The following MED23 variants were observed in gnomAD, a reference collection of about 807,000 sequenced individuals.
The protein encoded by MED23 is mediator complex subunit 23.
Under a neutral mutation model 163.9 loss-of-function variants are expected in MED23, and 105 were observed. The observed-to-expected ratio is 0.64, with a 90% CI of 0.55 to 0.75. MED23 has a LOEUF of 0.75. Ranked by LOEUF, MED23 falls within the 30% of genes least tolerant of loss-of-function variation. The pLI is 0.00. For missense variants in MED23, 1,054 were observed against 1,649.0 expected, an observed-to-expected ratio of 0.64 and a Z score of 6.25; for synonymous variants, 561 against 565.6, an observed-to-expected ratio of 0.99 and a Z score of 0.12.
At position 131,587,106 on chromosome 6, in the gene MED23, T is replaced by C; in HGVS notation, c.*573A>G. 7.9e-7 allele frequency: 1 copy of C among 1,272,284 alleles called. No homozygotes were observed. The allele number at this position is 1,272,284 out of a possible 1,614,324, so 78.8% of individuals were successfully genotyped here. A position where few individuals can be genotyped will look rare whatever the true frequency, so the allele number is the denominator to read the frequency against. ...AAGGTAATAAAACTGCCAGTTGACCTTGATAGAAACTATGGAAATTTATAA... is the reference window on the plus strand; with the variant it reads ...AAGGTAATAAAACTGCCAGTTGACCCTGATAGAAACTATGGAAATTTATAA... On this transcript the variant is annotated 3_prime_UTR_variant, in exon 29 of 29. Transcript: ENST00000368068.
At chr6:131,599,953 G>A (rs1775344379) in intron 18 of MED23, 85 bp downstream of exon 18, 4 of 1,492,992 alleles carry the variant, frequency 2.7e-6, no homozygotes, top group Non-Finnish European at 3.7e-6. Flanking sequence ...TTATTCAGAA[G>A]TCACCAAGAC....
Position 131,587,009 on chromosome 6 carries a change from C to A in MED23, c.*670G>T. 3 of 1,450,252 alleles carry A rather than the reference C, an allele frequency of 2.1e-6. No individual in the cohort carries two copies. The South Asian group carries it at 4.6e-5, about 22-fold the overall frequency. The allele number at this position is 1,450,252 out of a possible 1,614,324, so 89.8% of individuals were successfully genotyped here. A position where few individuals can be genotyped will look rare whatever the true frequency, so the allele number is the denominator to read the frequency against. On this transcript the variant is annotated 3_prime_UTR_variant, in exon 29 of 29. Transcript: ENST00000368068. ...AACCATTTAAGCATGATTTTAAGTT[C>A]AAGAATTTTCAGATGTTATTTTCTT...
At chr6:131,595,179 C>G (rs1774956944) in intron 22 of MED23, among the ~76,000 whole-genome samples, 1 of 152,192 alleles carries the variant, frequency 6.6e-6, no homozygotes, top group Non-Finnish European at 1.5e-5. Flanking sequence ...CTGCCACTCT[C>G]CAGTAACTAT....
Position 131,591,445 on chromosome 6 carries a change from C to T in MED23, c.3554G>A (p.Gly1185Asp), listed in dbSNP as rs1774626763. 6.2e-7 allele frequency: 1 copy of T among 1,613,876 alleles called. No individual in the cohort carries two copies. The highest frequency in any genetic ancestry group is 8.5e-7 in the Non-Finnish European group (1 of 1,179,840). ...PSLTSETEWV[G>D]YPFRLFDFTA... is the part of the protein sequence containing the mutation. ...GAAATCAAAGAGGCGGAATGGATAG[C>T]CAACCCACTCTGTTTCAGACGTCAA... The change falls in exon 26 of 29, where the codon GGC (glycine) becomes GAC (aspartate). Residue 1185 changes from glycine (G) to aspartate (D), a missense_variant. Around this residue, in one of 11 missense-constraint regions of MED23, gnomAD observed 362 missense variants for 471.6 expected, o/e 0.77. Transcript: ENST00000368068.
intron 12 of MED23, 68 bp from the exon 13 acceptor site, chr6:131,606,692 T>C: frequency 7.6e-7 from 1 of 1,317,060 alleles, no homozygotes; most frequent in Non-Finnish European, 1.1e-6. Context: ...TATGTGTATT[T>C]TAGTAATCAA....
intron 17 of MED23, 69 bp from the exon 18 acceptor site, chr6:131,600,231 C>G (rs962526210): frequency 4.9e-6 from 7 of 1,418,006 alleles, no homozygotes; most frequent in South Asian, 2.4e-5. Context: ...AAGATTATAG[C>G]GAAAATAATA....
intron 30 of MED23, among the ~76,000 whole-genome samples, chr6:131,574,973 C>A (rs1015327904): frequency 1.2e-4 from 18 of 152,138 alleles, no homozygotes; most frequent in Non-Finnish European, 2.5e-4. Context: ...TCAGACTATT[C>A]AACTCCAAAG....
intron 3 of MED23, among the ~76,000 whole-genome samples, chr6:131,626,403 T>C (rs1314637374): frequency 6.6e-6 from 1 of 151,832 alleles, no homozygotes; most frequent in African/African-American, 2.4e-5. Context: ...TGGAATATTA[T>C]GCTGCTATTT....
At chr6:131,583,163 A>T (rs1303114569), downstream of MED23, 1 of 1,613,090 alleles carries the variant, frequency 6.2e-7, no homozygotes. Context: ...TCTACTAGGA[A>T]GGTAGGATTC....
chr6:131,593,894 TA>T (rs1424024318), intron 23 of MED23, among the ~76,000 whole-genome samples: 1 of 152,104 alleles, frequency 6.6e-6, no homozygotes, highest in African/African-American at 2.4e-5. Flanking sequence ...AGTTCTAAAA[TA>T]AAAATTTTAA....
At position 131,623,436 on chromosome 6, in the gene MED23, G is replaced by C. The variant is rs1777254542; in HGVS notation, c.311C>G (p.Ser104Cys). 6.2e-7 allele frequency: 1 copy of C among 1,613,966 alleles called. No individual in the cohort carries two copies. Among genetic ancestry groups the C allele is most frequent in the South Asian group, 1.1e-5 (1 of 91,082 alleles). Residue 104 changes from serine to cysteine, a missense_variant, in exon 5 of 29, where the codon TCT (serine) becomes TGT (cysteine). Ser to Cys is a moderately radical substitution (Grantham distance 112). Transcript: ENST00000368068. ...PRLVCESLIN[S>C]DTLEWERTQL... ...TGTTCTTTCCCACTCAAGAGTGTCA[G>C]AGTTTATCAGGGATTCACAAACCAG...
intron 6 of MED23, among the ~76,000 whole-genome samples, chr6:131,621,049 G>A (rs145214274): frequency 7.8e-4 from 118 of 152,096 alleles, no homozygotes; most frequent in African/African-American, 2.5e-3. Context: ...TGAGCCTCCC[G>A]CCTTGGCCTC....
At position 131,605,386 on chromosome 6, in the gene MED23, T is replaced by C; in HGVS notation, c.1467A>G (p.Thr489=). ...TTTCTACCAGAGCTCCCATGGGTAA[T>C]GTAAAACATTCTGAATTTGTAGAGT... ...NAYSTNSECF[T]LPMGALVETI... The change falls in exon 14 of 29, where the codon ACA becomes ACG. Residue 489 remains threonine, a synonymous_variant. Transcript: ENST00000368068. 1.2e-6 allele frequency: 2 copies of C among 1,613,406 alleles called. No homozygotes were observed. Among genetic ancestry groups the C allele is most frequent in the Non-Finnish European group, 1.7e-6 (2 of 1,179,580 alleles).
intron 25 of MED23, 66 bp from the exon 26 acceptor site, chr6:131,591,593 G>C (rs1774640824): frequency 4.2e-6 from 5 of 1,191,640 alleles, no homozygotes; most frequent in Non-Finnish European, 6.2e-6. Context: ...AAAGTCTAAA[G>C]TAATAGTGTT....
intron 30 of MED23, among the ~76,000 whole-genome samples, chr6:131,581,577 A>G (rs1392434352): frequency 1.3e-5 from 2 of 152,196 alleles, no homozygotes; most frequent in Non-Finnish European, 2.9e-5. Context: ...GACTTAATAT[A>G]TATTTTCTCT....
chr6:131,615,592 C>A, intron 10 of MED23: 1 of 368,754 alleles, frequency 2.7e-6, no homozygotes, highest in Non-Finnish European at 4.7e-6. Context: ...GACACCCAAA[C>A]AACAAAAAAA....
intron 9 of MED23, among the ~76,000 whole-genome samples, chr6:131,616,353 C>T (rs1776689722): frequency 6.6e-6 from 1 of 152,184 alleles, no homozygotes; most frequent in Non-Finnish European, 1.5e-5. Context: ...TAGCATCTCA[C>T]TAATGTCAAT....
chr6:131,612,508 C>G (rs1776353200), intron 10 of MED23, among the ~76,000 whole-genome samples: 1 of 152,036 alleles, frequency 6.6e-6, no homozygotes, highest in African/African-American at 2.4e-5. Context: ...ATTTCATAAG[C>G]CAATGGATGC....
chr6:131,586,988 A>C lies in MED23; in HGVS notation c.*691T>G. On this transcript the variant is annotated 3_prime_UTR_variant, in exon 29 of 29. Coordinates refer to ENST00000368068, the MANE Select transcript of MED23 (RefSeq NM_004830.4). ...AAAAAAAGAAATTGGAGAATCAACC[A>C]TTTAAGCATGATTTTAAGTTCAAGA... is the stretch of plus-strand genomic sequence containing the variant. 1.4e-6 allele frequency: 2 copies of C among 1,478,144 alleles called. No individual in the cohort carries two copies. The highest frequency in any genetic ancestry group is 2.5e-4 in the Middle Eastern group (1 of 4,054). 91.6% of individuals were successfully genotyped at this position (1,478,144 alleles called of 1,614,324 possible). A position where few individuals can be genotyped will look rare whatever the true frequency, so the allele number is the denominator to read the frequency against.
Sources: allele counts gnomAD v4.1 joint callset (sites outside exome capture counted in the v4.1 genomes callset), GRCh38; gene constraint gnomAD v4.1.1; regional missense constraint gnomAD v4.1.1; transcripts MANE v1.5; gene names NCBI Gene and HGNC (gene_info 2026-07-23, HGNC 2026-07-21).